Variants in DUSP7 observed in about 807,000 individuals in gnomAD.
The protein encoded by DUSP7 is dual specificity protein phosphatase 7.
In DUSP7, 7 loss-of-function variants were observed where a neutral mutation model predicts 29.8. The ratio of observed to expected loss-of-function variants is 0.24; its 90% CI spans 0.13 to 0.44. The LOEUF is 0.44. DUSP7 is among the 20% of genes least tolerant of loss of function. The probability of loss-of-function intolerance (pLI) is 1.00; values close to 1 mark genes in which losing one functional copy is unlikely to be tolerated. For synonymous variants in DUSP7, 287 were observed against 275.4 expected, an observed-to-expected ratio of 1.04 and a Z score of -0.42; for missense variants, 400 against 583.7, an observed-to-expected ratio of 0.69 and a Z score of 3.24.
chr3:52,053,751 G>A lies in DUSP7; in HGVS notation c.952+189C>T. ...TCAGGAGACTGCTCAGGCCCCAACA[G>A]GTAGAGGGGCCCAAGGGACTCGGTG... On this transcript the variant is annotated intron_variant, in intron 2 of 2. Transcript: ENST00000495880. The surrounding 1 kb of genome is among the most constrained non-coding windows in gnomAD (Gnocchi z 4.6). 1.6e-6 allele frequency: 1 copy of A among 636,592 alleles called. No individual in the cohort carries two copies. The highest frequency in any genetic ancestry group is 2.7e-6 in the Non-Finnish European group (1 of 366,796). 39.4% of individuals were successfully genotyped at this position (636,592 alleles called of 1,614,324 possible).
chr3:52,054,307 C>T lies in DUSP7; in HGVS notation c.585G>A (p.Ser195=), dbSNP rs1336089081. 9 of 1,581,990 alleles carry T rather than the reference C, an allele frequency of 5.7e-6. No individual in the cohort carries two copies. Among genetic ancestry groups the T allele is most frequent in the East Asian group, 2.2e-5 (1 of 44,544 alleles). ...CTGAGGTGGGTGGCGAGCTGCTCGG[C>T]GAGGAAGAGCTGTCCACGTTGGTCT... ...HCETNVDSSS[S]PSSSPPTSVL... The change falls in exon 2 of 3, where the codon TCG becomes TCA. Residue 195 remains serine, a synonymous_variant. Transcript: ENST00000495880. The surrounding 1 kb of genome is among the most constrained non-coding windows in gnomAD (Gnocchi z 4.1).
chr3:52,056,544 C>T lies in DUSP7; in HGVS notation c.-178G>A. 5.7e-6 allele frequency: 1 copy of T among 175,544 alleles called. No individual in the cohort carries two copies. The allele number at this position is 175,544 out of a possible 1,614,324, so 10.9% of individuals were successfully genotyped here. A position where few individuals can be genotyped will look rare whatever the true frequency, so the allele number is the denominator to read the frequency against. ...GCCCGCCCGCCCGGCCCTCCGCGCG[C>T]ACCGCGGCCTGACAGCCCCAATTAA... On this transcript the variant is annotated 5_prime_UTR_variant, in exon 1 of 3. Coordinates refer to ENST00000495880, the MANE Select transcript of DUSP7 (RefSeq NM_001947.4). This position sits in a 1 kb window ranked among gnomAD's most constrained non-coding sequence, Gnocchi z 6.4.
rs772134273 is a variant in DUSP7, at chr3:52,056,121, G to A, written c.246C>T (p.Leu82=). The change falls in exon 1 of 3, where the codon CTC becomes CTT. Residue 82 remains leucine, a synonymous_variant. Transcript: ENST00000495880. This position sits in a 1 kb window ranked among gnomAD's most constrained non-coding sequence, Gnocchi z 6.4. The stretch of plus-strand genomic sequence containing the variant: ...CCGTCTCGATGTGCGACGACTCGAA[G>A]AGCTCGTGCGGCCGGCAGTCGAGCA... ...LLLLDCRPHE[L]FESSHIETAI... is the part of the protein sequence containing the mutation. The A allele has an allele frequency of 2.5e-6, 4 of 1,604,930 alleles. No individual in the cohort carries two copies. The highest frequency in any genetic ancestry group is 2.2e-5 in the East Asian group (1 of 44,702).
At chr3:52,055,766 T>G (rs1291141204) in intron 1 of DUSP7, 84 bp downstream of exon 1, 5 of 1,398,610 alleles carry the variant, frequency 3.6e-6, no homozygotes, top group Non-Finnish European at 4.7e-6. Context: ...GCCGAGCGCG[T>G]GGAGAGGAAA....
Position 52,056,384 on chromosome 3 carries a change from C to G in DUSP7, c.-18G>C. The G allele has an allele frequency of 9.5e-7, 1 of 1,048,476 alleles. No individual in the cohort carries two copies. The highest frequency in any genetic ancestry group is 1.1e-6 in the Non-Finnish European group (1 of 872,416). The allele number at this position is 1,048,476 out of a possible 1,614,324, so 64.9% of individuals were successfully genotyped here. On this transcript the variant is annotated 5_prime_UTR_variant, in exon 1 of 3. Coordinates refer to ENST00000495880, the MANE Select transcript of DUSP7 (RefSeq NM_001947.4). This position sits in a 1 kb window ranked among gnomAD's most constrained non-coding sequence, Gnocchi z 6.4. ...TTTTTCATGGGGAGCGCGGGCGGCC[C>G]GGGGCCGGGGCCGGGCAGCCCTGCC...
intron 1 of DUSP7, among the ~76,000 whole-genome samples, chr3:52,055,083 G>T (rs947862838): frequency 6.6e-6 from 1 of 152,244 alleles, no homozygotes; most frequent in Non-Finnish European, 1.5e-5. Flanking sequence ...TACAGGGACA[G>T]GAGAAATGGG....
rs751414622 is a variant in DUSP7, at chr3:52,054,031, G to A, written c.861C>T (p.His287=). 1.5e-5 allele frequency: 25 copies of A among 1,614,232 alleles called. No homozygotes were observed. The highest frequency in any genetic ancestry group is 3.3e-4 in the Middle Eastern group (2 of 6,062). ...TCTGCTTGTAGGTGAACTCGCCGCC[G>A]TGCTCGAAGGCGTTGGGTAGGTTGG... The part of the protein sequence containing the change: ...VTPNLPNAFE[H]GGEFTYKQIP... The change falls in exon 2 of 3, where the codon CAC becomes CAT. Residue 287 remains histidine (H), a synonymous_variant. Transcript: ENST00000495880. The surrounding 1 kb of genome is among the most constrained non-coding windows in gnomAD (Gnocchi z 4.1).
chr3:52,056,371 A>G lies in DUSP7; in HGVS notation c.-5T>C. On this transcript the variant is annotated 5_prime_UTR_variant, in exon 1 of 3. Coordinates refer to ENST00000495880, the MANE Select transcript of DUSP7 (RefSeq NM_001947.4). This position sits in a 1 kb window ranked among gnomAD's most constrained non-coding sequence, Gnocchi z 6.4. ...GCCGCGGAGCTGGTTTTTCATGGGGAGCGCGGGCGGCCCGGGGCCGGGGCC... is the reference window on the plus strand; with the variant it reads ...GCCGCGGAGCTGGTTTTTCATGGGGGGCGCGGGCGGCCCGGGGCCGGGGCC... The G allele has an allele frequency of 1.8e-6, 2 of 1,103,366 alleles. No individual in the cohort carries two copies. The highest frequency in any genetic ancestry group is 2.2e-6 in the Non-Finnish European group (2 of 908,210). 68.3% of individuals were successfully genotyped at this position (1,103,366 alleles called of 1,614,324 possible).
rs1158501365 is a variant in DUSP7 at position 52,054,789 on chromosome 3, CT to C, written c.518-416del. On this transcript the variant is annotated intron_variant, in intron 1 of 2. Transcript: ENST00000495880. This position sits in a 1 kb window ranked among gnomAD's most constrained non-coding sequence, Gnocchi z 4.1. ...GACAACCCCATCTTAGCCAGCACCT[CT>C]GGGTTGGCAAACTCCTCTTATAGAT... 6.6e-6 allele frequency among the ~76,000 whole-genome samples: 1 copy of C among 152,248 alleles called. No homozygotes were observed. The highest frequency in any genetic ancestry group is 1.5e-5 in the Non-Finnish European group (1 of 68,046).
chr3:52,056,059 C>T lies in DUSP7; in HGVS notation c.308G>A (p.Arg103His). 1 of 1,602,828 alleles carries T rather than the reference C, an allele frequency of 6.2e-7. No homozygotes were observed. Among genetic ancestry groups the T allele is most frequent in the South Asian group, 1.1e-5 (1 of 89,552 alleles). The change falls in exon 1 of 3, where the codon CGC (arginine) becomes CAC (histidine). Residue 103 changes from arginine (R) to histidine (H), a missense_variant. Arg to His is a conservative substitution (Grantham distance 29, BLOSUM62 0). This residue lies in a region of DUSP7 where 223 missense variants were observed against 360.9 expected (regional missense o/e 0.62). Transcript: ENST00000495880. This position sits in a 1 kb window ranked among gnomAD's most constrained non-coding sequence, Gnocchi z 6.4. ...GATGGGCAGGTTGCCCTTGCGCAGG[C>T]GGCGCAACATGAGGCCCGGGATGGC... Reference protein sequence around the residue: ...NLAIPGLMLRRLRKGNLPIRS... With the variant: ...NLAIPGLMLRHLRKGNLPIRS...
Position 52,056,456 on chromosome 3 carries a change from G to T in DUSP7, c.-90C>A. The T allele has an allele frequency of 2.9e-6, 2 of 692,302 alleles. No homozygotes were observed. The highest frequency in any genetic ancestry group is 3.5e-6 in the Non-Finnish European group (2 of 565,166). 42.9% of individuals were successfully genotyped at this position (692,302 alleles called of 1,614,324 possible). On this transcript the variant is annotated 5_prime_UTR_variant, in exon 1 of 3. Coordinates refer to ENST00000495880, the MANE Select transcript of DUSP7 (RefSeq NM_001947.4). The surrounding 1 kb of genome is among the most constrained non-coding windows in gnomAD (Gnocchi z 6.4). Reference sequence around the variant, plus strand: ...GCGGGCCCCAGCCGCGTCTCCGGGCGCCCGCCTCCCGCCGAGCTGCGCGCC... The same window carrying T: ...GCGGGCCCCAGCCGCGTCTCCGGGCTCCCGCCTCCCGCCGAGCTGCGCGCC...
In DUSP7 at chr3:52,051,156, T is replaced by C. The variant is rs776647124; in HGVS notation, c.953-34A>G. The C allele has an allele frequency of 3.2e-6, 5 of 1,572,922 alleles. No individual in the cohort carries two copies. Among genetic ancestry groups the C allele is most frequent in the Non-Finnish European group, 3.4e-6 (4 of 1,161,446 alleles). On this transcript the variant is annotated intron_variant, in intron 2 of 2. Transcript: ENST00000495880. This position sits in a 1 kb window ranked among gnomAD's most constrained non-coding sequence, Gnocchi z 4.8. ...CATTGGCATGGGTCAGGGAGGTGCC[T>C]CCTTCAAGGAGCCTTCCCACATGGG...
rs766809947 is a variant in DUSP7 at position 52,055,924 on chromosome 3, C to T, written c.443G>A (p.Gly148Asp). ...CAGGCCGAGCACGGAGGCGGGAGCGCCGGGCTCGGGCTGCCACTCGGCCGT... is the reference window on the plus strand; with the variant it reads ...CAGGCCGAGCACGGAGGCGGGAGCGTCGGGCTCGGGCTGCCACTCGGCCGT... Reference protein sequence around the residue: ...EATAEWQPEPGAPASVLGLLL... With the variant: ...EATAEWQPEPDAPASVLGLLL... Residue 148 changes from glycine to aspartate, a missense_variant, in exon 1 of 3, where the codon GGC (glycine) becomes GAC (aspartate). By Grantham distance (94) the Gly-to-Asp change is moderately conservative. Coordinates refer to ENST00000495880, the MANE Select transcript of DUSP7 (RefSeq NM_001947.4). 8 of 1,542,366 alleles carry T rather than the reference C, an allele frequency of 5.2e-6. No homozygotes were observed. The highest frequency in any genetic ancestry group is 6.1e-6 in the Non-Finnish European group (7 of 1,145,602).
chr3:52,056,311 G>GCCC lies in DUSP7; in HGVS notation c.53_55dup (p.Gly18dup), dbSNP rs1164359598. 2 of 1,190,988 alleles carry GCCC rather than the reference G, an allele frequency of 1.7e-6. No homozygotes were observed. The highest frequency in any genetic ancestry group is 2.1e-6 in the Non-Finnish European group (2 of 964,134). The allele number at this position is 1,190,988 out of a possible 1,614,324, so 73.8% of individuals were successfully genotyped here. On this transcript the variant is annotated inframe_insertion, in exon 1 of 3. Transcript: ENST00000495880. This position sits in a 1 kb window ranked among gnomAD's most constrained non-coding sequence, Gnocchi z 6.4. ...CGCCCGGGTGCCCCCAGCCGCCGCC[G>GCCC]CCCCCGAAGTCGACATGTGCGCCCG...
rs752151137 is a variant in DUSP7 at position 52,055,813 on chromosome 3, G to C, written c.517+37C>G. The C allele has an allele frequency of 2.7e-6, 4 of 1,488,156 alleles. No homozygotes were observed. The East Asian group carries it at 7.1e-5, about 26-fold the overall frequency. 92.2% of individuals were successfully genotyped at this position (1,488,156 alleles called of 1,614,324 possible). ...GGGGGCGTCAGGGAGTCGCGGGGGG[G>C]CCCCGATCCCGTAAGGCGTCTCGGT... On this transcript the variant is annotated intron_variant, in intron 1 of 2. Transcript: ENST00000495880.
At position 52,050,878 on chromosome 3, in the gene DUSP7, C is replaced by G. The variant is rs774622489; in HGVS notation, c.1197G>C (p.Gln399His). ...GGTTGGTGGGCGTGGAAAAGTAGAG[C>G]TGCTCACTCGACGCGTGGTTGTCGC... ...SPCDNHASSEQLYFSTPTNHN... is the reference protein window; with the variant it reads ...SPCDNHASSEHLYFSTPTNHN... The change falls in exon 3 of 3, where the codon CAG (glutamine) becomes CAC (histidine). Residue 399 changes from glutamine (Q) to histidine (H), a missense_variant. By Grantham distance (24) the Gln-to-His change is conservative. Coordinates refer to ENST00000495880, the MANE Select transcript of DUSP7 (RefSeq NM_001947.4). This position sits in a 1 kb window ranked among gnomAD's most constrained non-coding sequence, Gnocchi z 5.0. The G allele has an allele frequency of 6.2e-7, 1 of 1,614,218 alleles. No homozygotes were observed. Among genetic ancestry groups the G allele is most frequent in the Admixed American group, 1.7e-5 (1 of 60,028 alleles).
rs996267772 is a variant in DUSP7 at position 52,054,426 on chromosome 3, T to C, written c.518-52A>G. On this transcript the variant is annotated intron_variant, in intron 1 of 2. Coordinates refer to ENST00000495880, the MANE Select transcript of DUSP7 (RefSeq NM_001947.4). This position sits in a 1 kb window ranked among gnomAD's most constrained non-coding sequence, Gnocchi z 4.1. The stretch of plus-strand genomic sequence containing the variant: ...GGTGAGAGGCTGGTGAGAGCCCAGA[T>C]GGGCTGCACAAGACCAGAGATGGCC... 9.5e-6 allele frequency: 14 copies of C among 1,466,416 alleles called. No individual in the cohort carries two copies. Among genetic ancestry groups the C allele is most frequent in the South Asian group, 1.4e-5 (1 of 73,188 alleles). The allele number at this position is 1,466,416 out of a possible 1,614,324, so 90.8% of individuals were successfully genotyped here.
chr3:52,054,663 G>A lies in DUSP7; in HGVS notation c.518-289C>T, dbSNP rs1315110136. ...GCCCCCAGCCATGGCACCAGCTTTA[G>A]GGCACTTGAGGACAGGCCCCAGCTA... is the stretch of plus-strand genomic sequence containing the variant. On this transcript the variant is annotated intron_variant, in intron 1 of 2. Transcript: ENST00000495880. This position sits in a 1 kb window ranked among gnomAD's most constrained non-coding sequence, Gnocchi z 4.1. 6.6e-6 allele frequency among the ~76,000 whole-genome samples: 1 copy of A among 152,212 alleles called. No individual in the cohort carries two copies. Among genetic ancestry groups the A allele is most frequent in the Non-Finnish European group, 1.5e-5 (1 of 68,048 alleles).
Position 52,054,412 on chromosome 3 carries a change from G to C in DUSP7, c.518-38C>G. ...TGAGACAGGGCCTGGGTGAGAGGCTGGTGAGAGCCCAGATGGGCTGCACAA... is the reference window on the plus strand; with the variant it reads ...TGAGACAGGGCCTGGGTGAGAGGCTCGTGAGAGCCCAGATGGGCTGCACAA... On this transcript the variant is annotated intron_variant, in intron 1 of 2. Transcript: ENST00000495880. The surrounding 1 kb of genome is among the most constrained non-coding windows in gnomAD (Gnocchi z 4.1). 6.7e-7 allele frequency: 1 copy of C among 1,501,650 alleles called. No individual in the cohort carries two copies. Among genetic ancestry groups the C allele is most frequent in the Non-Finnish European group, 8.9e-7 (1 of 1,121,574 alleles). The allele number at this position is 1,501,650 out of a possible 1,614,324, so 93.0% of individuals were successfully genotyped here.
Sources: allele counts gnomAD v4.1 joint callset (sites outside exome capture counted in the v4.1 genomes callset), GRCh38; gene constraint gnomAD v4.1.1; regional missense constraint gnomAD v4.1.1; non-coding constraint Gnocchi (gnomAD v3.1); transcripts MANE v1.5; gene names NCBI Gene and HGNC (gene_info 2026-07-23, HGNC 2026-07-21).